Variants in DMD observed in about 807,000 individuals in gnomAD.
DMD encodes the protein dystrophin.
DMD carries 63 observed loss-of-function variants against 330.1 expected under a neutral mutation model. The ratio of observed to expected loss-of-function variants is 0.19; its 90% CI spans 0.16 to 0.24. DMD has a LOEUF of 0.24. DMD is among the 10% of genes least tolerant of loss of function. DMD has a pLI of 1.00. For synonymous variants in DMD, 1,223 were observed against 959.8 expected (o/e 1.27, Z -5.07); for missense variants, 3,344 against 2,684.1 (o/e 1.25, Z -5.43).
At position 32,849,966 on chromosome X, in the gene DMD, G is replaced by C. The variant is rs1034218342; in HGVS notation, c.94-146C>G. ...TGCCGAAGATGACGGATGAAAAAAG[G>C]AAAGTTCAAATGACAAAAAAAATTT... On this transcript the variant is annotated intron_variant, in intron 2 of 78. Coordinates refer to ENST00000357033, the MANE Select transcript of DMD (RefSeq NM_004006.3). The C allele has an allele frequency of 3.7e-5, 19 of 512,000 alleles. No individual in the cohort carries two copies. The African/African-American group carries it at 4.4e-4, about 12-fold the overall frequency. 42.2% of individuals were successfully genotyped at this position (512,000 alleles called of 1,213,427 possible).
chrX:32,407,229 G>A (rs2098121505), intron 30 of DMD, among the ~76,000 whole-genome samples: 1 of 111,421 alleles, frequency 9.0e-6, no homozygotes, highest in South Asian at 3.8e-4. Flanking sequence ...CTACTCCTCT[G>A]ACAAAGGGCT....
At chrX:32,407,225 C>A (rs530121470) in intron 30 of DMD, among the ~76,000 whole-genome samples, 5 of 111,226 alleles carry the variant, frequency 4.5e-5, no homozygotes, top group East Asian at 2.8e-4. Flanking sequence ...CAACCTACTC[C>A]TCTGACAAAG....
intron 2 of DMD, among the ~76,000 whole-genome samples, chrX:32,927,043 G>A (rs951581792): frequency 2.7e-5 from 3 of 111,398 alleles, no homozygotes; most frequent in Non-Finnish European, 5.6e-5. Context: ...TTAGCAAATC[G>A]TAGCTGTAAT....
chrX:32,719,660 A>G (rs1328324426), intron 7 of DMD, among the ~76,000 whole-genome samples: 2 of 111,937 alleles, frequency 1.8e-5, no homozygotes, highest in Non-Finnish European at 3.8e-5. Flanking sequence ...CTTTGAGCAT[A>G]TTAAATGTAG....
chrX:32,225,893 C>A (rs1441344208), intron 43 of DMD, among the ~76,000 whole-genome samples: 1 of 111,544 alleles, frequency 9.0e-6, no homozygotes, highest in Non-Finnish European at 1.9e-5. Context: ...TATAAACACC[C>A]AGTCTCAGGT....
intron 1 of DMD, among the ~76,000 whole-genome samples, chrX:33,267,996 T>C (rs1325122883): frequency 1.9e-5 from 2 of 107,916 alleles, no homozygotes; most frequent in Admixed American, 9.9e-5. Context: ...ATTGGCAATT[T>C]TTTTTTTTTT....
At chrX:31,174,592 G>T (rs2040328117) in intron 71 of DMD, among the ~76,000 whole-genome samples, 1 of 111,414 alleles carries the variant, frequency 9.0e-6, no homozygotes. Flanking sequence ...AAGCCCTTAG[G>T]TAAAGGCATA....
Position 32,491,499 on chromosome X carries a change from G to A in DMD, c.2400C>T (p.Ser800=), listed in dbSNP as rs142115986. ...QMVNEGVNAD[S]IKQASEQLNS... Reference sequence around the variant, plus strand: ...TCAGTTGTTCTGAGGCTTGTTTGATGCTATCTGCATTAACACCCTCTAGAA... The same window carrying A: ...TCAGTTGTTCTGAGGCTTGTTTGATACTATCTGCATTAACACCCTCTAGAA... Residue 800 remains serine (S), a synonymous_variant, in exon 20 of 79, where the codon AGC becomes AGT. Transcript: ENST00000357033. 1 of 1,209,757 alleles carries A rather than the reference G, an allele frequency of 8.3e-7. No homozygotes were observed. The highest frequency in any genetic ancestry group is 1.1e-6 in the Non-Finnish European group (1 of 894,307).
intron 19 of DMD, among the ~76,000 whole-genome samples, chrX:32,497,319 A>G (rs755692386): frequency 8.0e-5 from 9 of 112,239 alleles, no homozygotes; most frequent in Non-Finnish European, 1.3e-4. Flanking sequence ...ATAATCTAGC[A>G]CTCAGGGAAT....
chrX:31,308,334 C>G (rs2055205478), intron 62 of DMD, among the ~76,000 whole-genome samples: 2 of 111,995 alleles, frequency 1.8e-5, no homozygotes, highest in African/African-American at 3.2e-5. Flanking sequence ...CTTAAAGATG[C>G]TTTCTTCAAA....
intron 43 of DMD, among the ~76,000 whole-genome samples, chrX:32,221,273 C>T (rs1249862230): frequency 9.0e-6 from 1 of 110,880 alleles, no homozygotes; most frequent in Non-Finnish European, 1.9e-5. Flanking sequence ...TATTTCATCC[C>T]ATCCCACATA....
At chrX:32,528,061 C>G (rs909237715) in intron 17 of DMD, among the ~76,000 whole-genome samples, 3 of 112,278 alleles carry the variant, frequency 2.7e-5, no homozygotes, top group Non-Finnish European at 5.6e-5. Context: ...GTAATTCCAG[C>G]ACTTTGAGAG....
chrX:32,154,621 A>G (rs1231915365), intron 44 of DMD, among the ~76,000 whole-genome samples: 1 of 111,776 alleles, frequency 8.9e-6, no homozygotes, highest in African/African-American at 3.3e-5. Context: ...TAAACTGAGA[A>G]GGCTGCTTTC....
At chrX:32,299,560 A>G (rs1304570982) in intron 42 of DMD, among the ~76,000 whole-genome samples, 1 of 109,010 alleles carries the variant, frequency 9.2e-6, no homozygotes, top group Non-Finnish European at 1.9e-5. Context: ...TTTAACTTTG[A>G]AAACATTTTC....
chrX:33,256,013 G>T (rs1378353371), intron 1 of DMD, among the ~76,000 whole-genome samples: 1 of 111,400 alleles, frequency 9.0e-6, no homozygotes, highest in African/African-American at 3.2e-5. Context: ...GGGTTTGAGT[G>T]AAAGTTTAGA....
At chrX:32,511,167 T>C (rs1458826343) in intron 18 of DMD, among the ~76,000 whole-genome samples, 2 of 110,326 alleles carry the variant, frequency 1.8e-5, no homozygotes, top group African/African-American at 6.6e-5. Context: ...TATTTCAATA[T>C]TACTCCAAAT....
At chrX:32,765,630 C>T (rs758027652) in intron 7 of DMD, among the ~76,000 whole-genome samples, 32 of 111,678 alleles carry the variant, frequency 2.9e-4, no homozygotes, top group Non-Finnish European at 4.7e-4. Flanking sequence ...ATATATGATT[C>T]GCAAACATCT....
chrX:32,972,109 A>G (rs1266072283), intron 2 of DMD, among the ~76,000 whole-genome samples: 2 of 111,820 alleles, frequency 1.8e-5, no homozygotes, highest in Non-Finnish European at 3.8e-5. Context: ...AATTACATTT[A>G]TAACCTTGGC....
intron 2 of DMD, among the ~76,000 whole-genome samples, chrX:32,889,290 G>A (rs1464738785): frequency 1.8e-5 from 2 of 111,390 alleles, no homozygotes; most frequent in Non-Finnish European, 3.8e-5. Flanking sequence ...AGCAAACACA[G>A]TGCTCAATGG....
Sources: allele counts gnomAD v4.1 joint callset (sites outside exome capture counted in the v4.1 genomes callset), GRCh38; gene constraint gnomAD v4.1.1; transcripts MANE v1.5; gene names NCBI Gene and HGNC (gene_info 2026-07-23, HGNC 2026-07-21).